The following ANKRD36C variants were observed in gnomAD, a reference collection of about 807,000 sequenced individuals.
The protein encoded by ANKRD36C is ankyrin repeat domain-containing protein 36C.
In ANKRD36C, 61 loss-of-function variants were observed where a neutral mutation model predicts 276.4. The observed-to-expected ratio is 0.22, with a 90% confidence interval of 0.18 to 0.27. The LOEUF (loss-of-function observed/expected upper bound fraction) is 0.27. Ranked by LOEUF, ANKRD36C falls within the 10% of genes least tolerant of loss-of-function variation. The probability of loss-of-function intolerance (pLI) is 1.00; values close to 1 mark genes in which losing one functional copy is unlikely to be tolerated. For missense variants in ANKRD36C, 1,447 were observed against 2,032.3 expected, an observed-to-expected ratio of 0.71 and a Z score of 5.54; for synonymous variants, 483 against 680.1, an observed-to-expected ratio of 0.71 and a Z score of 4.51.
chr2:95,868,897 G>A (rs1362516800), intron 59 of ANKRD36C, among the ~76,000 whole-genome samples: 1 of 152,394 alleles, frequency 6.6e-6, no homozygotes, highest in East Asian at 1.9e-4. Flanking sequence ...GAATTTTAAA[G>A]GTTTTTTTTA....
chr2:95,958,148 A>G (rs1377055338), intron 12 of ANKRD36C, among the ~76,000 whole-genome samples: 1 of 152,136 alleles, frequency 6.6e-6, no homozygotes. Context: ...GAGGAAAATA[A>G]TTACTACATC....
chr2:95,855,860 G>T lies in ANKRD36C; in HGVS notation c.4401C>A (p.Tyr1467Ter). The change falls in exon 63 of 67, where the codon TAC (tyrosine) becomes TAA (stop). Residue 1467 changes from tyrosine (Y) to a stop codon, truncating the protein, a stop_gained. Transcript: ENST00000456556. LOFTEE classifies it high-confidence loss of function. ...ATAGAGCAGCATTCAGTCTACAACG[G>T]TATGATTGCATTTCTGTTTCCAGTC... 6.2e-7 allele frequency: 1 copy of T among 1,613,812 alleles called. No individual in the cohort carries two copies. Among genetic ancestry groups the T allele is most frequent in the Non-Finnish European group, 8.5e-7 (1 of 1,179,854 alleles).
At chr2:95,914,979 T>C (rs1375724298) in intron 38 of ANKRD36C, among the ~76,000 whole-genome samples, 1 of 151,554 alleles carries the variant, frequency 6.6e-6, no homozygotes, top group African/African-American at 2.4e-5. Context: ...AAGGATAATA[T>C]ATTAACCTCA....
chr2:95,983,584 C>T (rs905157825), intron 3 of ANKRD36C, among the ~76,000 whole-genome samples: 18 of 148,658 alleles, frequency 1.2e-4, no homozygotes, highest in African/African-American at 4.2e-4. Context: ...TTATTTGCAT[C>T]ATTTATTTAT....
At chr2:95,962,253 G>A in intron 8 of ANKRD36C, 99 bp downstream of exon 8, 2 of 1,350,218 alleles carry the variant, frequency 1.5e-6, no homozygotes, top group Non-Finnish European at 2.0e-6. Context: ...TGCTGAATCA[G>A]AATGTGCAGA....
chr2:95,851,765 T>C (rs1272145196), exon 66 of ANKRD36C: 2 of 1,533,214 alleles, frequency 1.3e-6, no homozygotes, highest in Admixed American at 2.0e-5. Flanking sequence ...ATTTTTCTCA[T>C]CATGACATTT....
chr2:95,868,252 T>C (rs1675723980), intron 59 of ANKRD36C, among the ~76,000 whole-genome samples: 1 of 151,866 alleles, frequency 6.6e-6, no homozygotes, highest in Non-Finnish European at 1.5e-5. Context: ...CTGTATTGGT[T>C]TTGTACTGTT....
rs1291691816 is a variant in ANKRD36C, at chr2:95,987,170, C to T, written c.234G>A (p.Pro78=). The change falls in exon 2 of 67, where the codon CCG becomes CCA. Residue 78 remains proline, a synonymous_variant. Coordinates refer to ENST00000456556, the Ensembl canonical transcript of ANKRD36C. ...TGGACACCAGGAGATGTACCATTTC[C>T]GGTTGGCCAGTGGCACAGGCCAAAT... 11 of 1,548,938 alleles carry T rather than the reference C, an allele frequency of 7.1e-6. No homozygotes were observed. In the Admixed American group the frequency reaches 9.8e-5, roughly 14 times the overall value.
intron 16 of ANKRD36C, 125 bp from the exon 17 acceptor site, chr2:95,948,721 G>C (rs1445245660): frequency 6.5e-6 from 5 of 774,646 alleles, no homozygotes; most frequent in Non-Finnish European, 1.0e-5. Context: ...AGGAAGGTCA[G>C]TTATCCTTAT....
intron 19 of ANKRD36C, among the ~76,000 whole-genome samples, chr2:95,943,772 AG>A (rs1181383506): frequency 2.6e-5 from 4 of 152,106 alleles, no homozygotes; most frequent in South Asian, 2.1e-4. Flanking sequence ...AGCATTCACT[AG>A]ATAAAATATA....
intron 22 of ANKRD36C, among the ~76,000 whole-genome samples, chr2:95,937,207 T>C (rs1677742572): frequency 1.3e-5 from 2 of 152,306 alleles, no homozygotes; most frequent in Non-Finnish European, 2.9e-5. Flanking sequence ...TAAAATTTTA[T>C]TAAACATGTT....
chr2:95,911,757 T>A (rs898683822), intron 42 of ANKRD36C, among the ~76,000 whole-genome samples: 5 of 151,458 alleles, frequency 3.3e-5, no homozygotes, highest in Non-Finnish European at 5.9e-5. Context: ...TATAAACGAC[T>A]TCCTCTTTTC....
intron 40 of ANKRD36C, among the ~76,000 whole-genome samples, chr2:95,913,684 C>T (rs1250797578): frequency 6.6e-6 from 1 of 151,396 alleles, no homozygotes; most frequent in East Asian, 2.0e-4. Context: ...AGTTGCTACA[C>T]CAGGGGTCTC....
intron 40 of ANKRD36C, 69 bp from the exon 43 acceptor site, chr2:95,912,504 G>C (rs1007983456): frequency 1.3e-6 from 2 of 1,596,498 alleles, no homozygotes; most frequent in African/African-American, 2.7e-5. Context: ...CATTCGCACA[G>C]TGTTAGCATC....
intron 6 of ANKRD36C, among the ~76,000 whole-genome samples, chr2:95,962,925 G>A (rs1678495456): frequency 1.3e-5 from 2 of 151,942 alleles, no homozygotes; most frequent in African/African-American, 4.8e-5. Context: ...CATGTCTTTA[G>A]TGCAAGAGAT....
intron 6 of ANKRD36C, among the ~76,000 whole-genome samples, chr2:95,966,240 C>T (rs1421712474): frequency 1.3e-5 from 2 of 152,120 alleles, no homozygotes; most frequent in African/African-American, 4.8e-5. Flanking sequence ...GAAGTATTTG[C>T]CCATGCCTAT....
At chr2:95,918,660 C>A (rs970901634) in intron 34 of ANKRD36C, among the ~76,000 whole-genome samples, 1 of 151,648 alleles carries the variant, frequency 6.6e-6, no homozygotes, top group Admixed American at 6.6e-5. Flanking sequence ...TTTCTTGGAT[C>A]CACTAGTTTA....
chr2:95,870,169 C>G (rs1470509883), intron 59 of ANKRD36C, among the ~76,000 whole-genome samples: 1 of 152,202 alleles, frequency 6.6e-6, no homozygotes, highest in Non-Finnish European at 1.5e-5. Flanking sequence ...AGTGGTTCTC[C>G]CAGCATGCAG....
chr2:95,967,838 A>G (rs1448628769), intron 6 of ANKRD36C, among the ~76,000 whole-genome samples: 2 of 152,148 alleles, frequency 1.3e-5, no homozygotes, highest in Non-Finnish European at 2.9e-5. Flanking sequence ...CTGTGATCTC[A>G]GCATTTTGGG....
Sources: allele counts gnomAD v4.1 joint callset (sites outside exome capture counted in the v4.1 genomes callset), GRCh38; gene constraint gnomAD v4.1.1; transcripts MANE v1.5; gene names NCBI Gene and HGNC (gene_info 2026-07-23, HGNC 2026-07-21).